Variants in TUSC3 observed in about 807,000 individuals in gnomAD.
The protein encoded by TUSC3 is tumor suppressor candidate 3.
Under a neutral mutation model 44.8 loss-of-function variants are expected in TUSC3, and 45 were observed. The observed-to-expected ratio is 1.00, with a 90% CI of 0.79 to 1.29. The LOEUF (loss-of-function observed/expected upper bound fraction) is 1.29. Ranked by LOEUF, TUSC3 falls within the 50% of genes most tolerant of loss-of-function variation. TUSC3 has a pLI of 0.00. For synonymous variants in TUSC3, 212 were observed against 152.9 expected (o/e 1.39, Z -2.85); for missense variants, 519 against 437.9 (o/e 1.19, Z -1.65).
intron 9 of TUSC3, among the ~76,000 whole-genome samples, chr8:15,754,324 A>AAGAC (rs1000608724): frequency 4.8e-5 from 5 of 103,374 alleles, no homozygotes; most frequent in African/African-American, 1.5e-4. Flanking sequence ...CCAACCATCC[A>AAGAC]AGACAGAAAT....
At chr8:15,570,953 A>ATTTTTTTTTTTTTTTTTTT (rs1491358652) in intron 1 of TUSC3, among the ~76,000 whole-genome samples, 10 of 24,352 alleles carry the variant, frequency 4.1e-4, no homozygotes, top group Non-Finnish European at 1.1e-3. Context: ...ATTGCCTATT[A>ATTTTTTTTTTTTTTTTTTT]GTTTTTTTTT....
chr8:15,521,668 T>C (rs2129129478), intron 2 of TUSC3, among the ~76,000 whole-genome samples: 1 of 152,334 alleles, frequency 6.6e-6, no homozygotes, highest in East Asian at 1.9e-4. Flanking sequence ...GAATTTATGT[T>C]GGGCTGCATT....
chr8:15,639,158 T>C (rs1045983104), intron 2 of TUSC3, among the ~76,000 whole-genome samples: 1 of 151,626 alleles, frequency 6.6e-6, no homozygotes, highest in Admixed American at 6.6e-5. Flanking sequence ...GTGATGATCA[T>C]GTGTCGATGC....
chr8:15,695,297 T>G (rs748323210), intron 6 of TUSC3, among the ~76,000 whole-genome samples: 107 of 152,324 alleles, frequency 7.0e-4, no homozygotes, highest in Non-Finnish European at 1.2e-3. Flanking sequence ...ATTCTCATGA[T>G]AGTGAATAAG....
At position 15,728,453 on chromosome 8, in the gene TUSC3, AGAGGGAGG is replaced by A. The variant is rs137911279; in HGVS notation, c.799-2196_799-2189del. 1.4e-4 allele frequency among the ~76,000 whole-genome samples: 18 copies of A among 125,996 alleles called. No individual in the cohort carries two copies. The East Asian group carries it at 3.0e-3, about 21-fold the overall frequency. The allele number at this position is 125,996 out of a possible 152,430, so 82.7% of individuals were successfully genotyped here. A position where few individuals can be genotyped will look rare whatever the true frequency, so the allele number is the denominator to read the frequency against. On this transcript the variant is annotated intron_variant, in intron 6 of 10. Transcript: ENST00000503731. ...ATTTTCTGAATGATTGGATGTGTGG[AGAGGGAGG>A]GAGGGAGGGAGGGAGGAGAGAAGGA...
At chr8:15,565,646 T>C (rs1802638930) in intron 1 of TUSC3, among the ~76,000 whole-genome samples, 1 of 152,148 alleles carries the variant, frequency 6.6e-6, no homozygotes, top group African/African-American at 2.4e-5. Context: ...CCTTCCCCAG[T>C]GGTGTTTTAA....
At chr8:15,494,736 C>G (rs1027163430) in intron 2 of TUSC3, among the ~76,000 whole-genome samples, 3 of 152,116 alleles carry the variant, frequency 2.0e-5, no homozygotes, top group Non-Finnish European at 4.4e-5. Flanking sequence ...CCAGACAGAA[C>G]GGACTTTTCT....
the TUSC3 span, among the ~76,000 whole-genome samples, chr8:15,844,161 G>T: frequency 0.16 from 24,144 of 151,636 alleles, 2,094 homozygotes; most frequent in Admixed American, 0.28. Flanking sequence ...TTTAATGAAG[G>T]GATGGCAAAA....
chr8:15,767,998 G>C (rs1295116918), downstream of TUSC3, among the ~76,000 whole-genome samples: 1 of 152,138 alleles, frequency 6.6e-6, no homozygotes, highest in East Asian at 1.9e-4. Context: ...AAAGTCCTGA[G>C]AAGATTCTAA....
chr8:15,663,858 A>C (rs1241665789), intron 5 of TUSC3, among the ~76,000 whole-genome samples: 1 of 151,820 alleles, frequency 6.6e-6, no homozygotes, highest in African/African-American at 2.4e-5. Context: ...CCTGGTAAAA[A>C]TGCAGTACTT....
chr8:15,474,169 G>C (rs532356618), intron 1 of TUSC3, among the ~76,000 whole-genome samples: 1 of 152,216 alleles, frequency 6.6e-6, no homozygotes, highest in East Asian at 1.9e-4. Flanking sequence ...GCTCTGTTTT[G>C]CCCGACCTCA....
intron 6 of TUSC3, among the ~76,000 whole-genome samples, chr8:15,693,039 T>A (rs1343036892): frequency 6.6e-6 from 1 of 152,216 alleles, no homozygotes; most frequent in Non-Finnish European, 1.5e-5. Context: ...ACATTGAGCC[T>A]ATGGATGTCA....
chr8:15,446,215 C>T (rs111743912), intron 1 of TUSC3, among the ~76,000 whole-genome samples: 79 of 151,128 alleles, frequency 5.2e-4, no homozygotes, highest in Non-Finnish European at 9.6e-4. Context: ...GTTGGGTGGC[C>T]GGGCAGAGAG....
At chr8:15,453,157 A>T (rs937149408) in intron 1 of TUSC3, among the ~76,000 whole-genome samples, 4 of 152,138 alleles carry the variant, frequency 2.6e-5, no homozygotes, top group African/African-American at 9.7e-5. Context: ...CAGCTTATAC[A>T]TGTGATTGCT....
At chr8:15,619,106 G>A (rs528530661) in intron 1 of TUSC3, among the ~76,000 whole-genome samples, 65 of 152,226 alleles carry the variant, frequency 4.3e-4, no homozygotes, top group African/African-American at 1.4e-3. Context: ...AAGAAAAATC[G>A]TTTTGTGGAT....
intron 2 of TUSC3, among the ~76,000 whole-genome samples, chr8:15,625,160 A>G (rs1398274862): frequency 6.6e-6 from 1 of 152,178 alleles, no homozygotes; most frequent in African/African-American, 2.4e-5. Context: ...TGATTTTCAA[A>G]TGTTGAACTG....
chr8:15,611,435 C>T (rs1210943892), intron 1 of TUSC3, among the ~76,000 whole-genome samples: 1 of 152,202 alleles, frequency 6.6e-6, no homozygotes, highest in Non-Finnish European at 1.5e-5. Flanking sequence ...GATCTGCCCG[C>T]ACCGGCCTCC....
the TUSC3 span, among the ~76,000 whole-genome samples, chr8:15,832,898 C>A: frequency 6.6e-6 from 1 of 152,050 alleles, no homozygotes; most frequent in African/African-American, 2.4e-5. Flanking sequence ...ACAAAGATAT[C>A]CCAGATTGGA....
At chr8:15,569,420 A>G (rs1802789297) in intron 1 of TUSC3, among the ~76,000 whole-genome samples, 1 of 152,164 alleles carries the variant, frequency 6.6e-6, no homozygotes, top group Non-Finnish European at 1.5e-5. Context: ...AAATTACAGC[A>G]TCATGATAAT....
Sources: gnomAD v4.1 joint callset for allele counts (sites outside exome capture counted in the v4.1 genomes callset) on GRCh38, gnomAD v4.1.1 for gene constraint, MANE v1.5 for transcripts, NCBI Gene and HGNC (gene_info 2026-07-23, HGNC 2026-07-21) for gene names.